ZNF345: variants seen among roughly 807,000 people sequenced by gnomAD.
The protein encoded by ZNF345 is zinc finger protein 345, also known as zinc finger protein HZF10.
For synonymous variants in ZNF345, 166 were observed against 187.9 expected (o/e 0.88, Z 0.95); for missense variants, 527 against 589.9 (o/e 0.89, Z 1.10).
At chr19:36,855,566 C>CTTCA (rs1191721766) in intron 2 of ZNF345, among the ~76,000 whole-genome samples, 2 of 149,256 alleles carry the variant, frequency 1.3e-5, no homozygotes, top group East Asian at 4.1e-4. Context: ...GATTCTCCTG[C>CTTCA]TTCAGCCTCC....
Position 36,868,002 on chromosome 19 carries a change from C to CTTTTT in ZNF345, c.-46-8769_-46-8765dup, listed in dbSNP as rs569167997. 8.2e-3 allele frequency among the ~76,000 whole-genome samples: 1,040 copies of CTTTTT among 127,012 alleles called. 25 individuals carry two copies. The highest frequency in any genetic ancestry group is 0.029 in the African/African-American group (988 of 34,304). 83.3% of individuals were successfully genotyped at this position (127,012 alleles called of 152,430 possible). A position where few individuals can be genotyped will look rare whatever the true frequency, so the allele number is the denominator to read the frequency against. On this transcript the variant is annotated intron_variant, in intron 2 of 2. Coordinates refer to ENST00000420450, the MANE Select transcript of ZNF345 (RefSeq NM_001242472.2). ...AGTTCCATATGGATATGAGGAGTGG[C>CTTTTT]TTTTTTTTTTTTTTTTTTGAGTCAG...
Position 36,878,200 on chromosome 19 carries a change from A to G in ZNF345, c.1370A>G (p.Lys457Arg). Reference protein sequence around the residue: ...IHTGEKLYECKNCGKAYGRDS... With the variant: ...IHTGEKLYECRNCGKAYGRDS... ...ACAGGTGAGAAACTTTATGAATGTA[A>G]GAACTGTGGGAAGGCTTATGGGAGG... is the stretch of plus-strand genomic sequence containing the variant. Residue 457 changes from lysine to arginine, a missense_variant, in exon 3 of 3, where the codon AAG (lysine) becomes AGG (arginine). Physicochemically the swap from Lys to Arg is conservative, Grantham distance 26 (BLOSUM62 2). Transcript: ENST00000420450. 1.2e-6 allele frequency: 2 copies of G among 1,614,176 alleles called. No homozygotes were observed. The highest frequency in any genetic ancestry group is 3.3e-5 in the Admixed American group (2 of 60,022).
At chr19:36,880,709 T>G (rs1230258489), downstream of ZNF345, among the ~76,000 whole-genome samples, 1 of 152,110 alleles carries the variant, frequency 6.6e-6, no homozygotes, top group Admixed American at 6.6e-5. Context: ...GCCCAGGAAT[T>G]CAAGGCCTCA....
At chr19:36,880,422 T>TA (rs1045242001), downstream of ZNF345, among the ~76,000 whole-genome samples, 23 of 138,964 alleles carry the variant, frequency 1.7e-4, no homozygotes, top group Admixed American at 4.9e-4. Flanking sequence ...AGGGTAGAAG[T>TA]AAAAAAACTA....
At chr19:36,881,714 A>G (rs2072969518), downstream of ZNF345, among the ~76,000 whole-genome samples, 1 of 152,194 alleles carries the variant, frequency 6.6e-6, no homozygotes, top group African/African-American at 2.4e-5. Flanking sequence ...CTAAAGTAAC[A>G]TGAAATCTTA....
Position 36,856,096 on chromosome 19 carries a change from G to C in ZNF345, c.-47+4192G>C, listed in dbSNP as rs1424289806. On this transcript the variant is annotated intron_variant, in intron 2 of 2. Transcript: ENST00000420450. ...GCACAACACTTAATACACATCAGGT[G>C]TTGAGAAAATGTTATTTCCCTTCTT... Among the ~76,000 whole-genome samples, 7 of 152,354 alleles carry C rather than the reference G, an allele frequency of 4.6e-5. No homozygotes were observed. In the South Asian group the frequency reaches 1.0e-3, roughly 23 times the overall value.
chr19:36,881,747 C>A (rs1286199162), downstream of ZNF345, among the ~76,000 whole-genome samples: 1 of 152,074 alleles, frequency 6.6e-6, no homozygotes, highest in Non-Finnish European at 1.5e-5. Context: ...TAAAATACAT[C>A]ACTTTAAATA....
intron 2 of ZNF345, among the ~76,000 whole-genome samples, chr19:36,854,235 GT>G (rs34215056): frequency 6.9e-4 from 96 of 138,672 alleles, no homozygotes; most frequent in Middle Eastern, 3.8e-3. Context: ...CCTGGGTTTT[GT>G]TTTTTTTTTT....
At chr19:36,874,492 TA>T (rs71171474) in intron 2 of ZNF345, among the ~76,000 whole-genome samples, 271 of 91,136 alleles carry the variant, frequency 3.0e-3, no homozygotes, top group Middle Eastern at 0.016. Flanking sequence ...GAAACTCCAC[TA>T]AAAAAAAAAA....
chr19:36,881,052 C>A (rs140060337), downstream of ZNF345, among the ~76,000 whole-genome samples: 1 of 152,216 alleles, frequency 6.6e-6, no homozygotes, highest in Non-Finnish European at 1.5e-5. Flanking sequence ...AGATCAATCA[C>A]AACCTAATGT....
intron 3 of ZNF345, among the ~76,000 whole-genome samples, chr19:36,884,986 A>G (rs2072988884): frequency 6.6e-6 from 1 of 152,026 alleles, no homozygotes; most frequent in Non-Finnish European, 1.5e-5. Flanking sequence ...ACTCTTTTCT[A>G]TTGGCAGTAT....
intron 2 of ZNF345, among the ~76,000 whole-genome samples, chr19:36,868,792 A>T (rs992027423): frequency 6.6e-6 from 1 of 150,880 alleles, no homozygotes; most frequent in Non-Finnish European, 1.5e-5. Flanking sequence ...CGCCCAGCTA[A>T]TTTTTTTACT....
intron 2 of ZNF345, among the ~76,000 whole-genome samples, chr19:36,868,652 A>C (rs946853428): frequency 7.7e-6 from 1 of 129,160 alleles, no homozygotes; most frequent in South Asian, 2.8e-4. Flanking sequence ...TTTGAGATGG[A>C]GTCTTGCTCT....
chr19:36,886,881 C>G (rs888714789), intron 3 of ZNF345, among the ~76,000 whole-genome samples: 2 of 151,154 alleles, frequency 1.3e-5, no homozygotes, highest in African/African-American at 2.4e-5. Flanking sequence ...GTAATCCCAG[C>G]TACTCGGGAG....
chr19:36,861,892 T>C (rs2146149520), intron 2 of ZNF345, among the ~76,000 whole-genome samples: 1 of 146,184 alleles, frequency 6.8e-6, no homozygotes, highest in East Asian at 2.1e-4. Context: ...GATGGTGTCT[T>C]GCCCTGTCAC....
rs2072901441 is a variant in ZNF345, at chr19:36,877,241, G to C, written c.411G>C (p.Gln137His). The change falls in exon 3 of 3, where the codon CAG becomes CAC. Residue 137 changes from glutamine (Q) to histidine (H), a missense_variant. Physicochemically the swap from Gln to His is conservative, Grantham distance 24. Transcript: ENST00000420450. ...GTGGCTCAAACCTTACTCACCATCA[G>C]AGAATTCATACTGGTGAGAAACCCT... ...FGSGSNLTHH[Q>H]RIHTGEKPYE... 6.2e-7 allele frequency: 1 copy of C among 1,614,006 alleles called. No homozygotes were observed. The highest frequency in any genetic ancestry group is 8.5e-7 in the Non-Finnish European group (1 of 1,179,934).
At chr19:36,874,539 C>T (rs2072843460) in intron 2 of ZNF345, among the ~76,000 whole-genome samples, 1 of 150,942 alleles carries the variant, frequency 6.6e-6, no homozygotes, top group Non-Finnish European at 1.5e-5. Context: ...TGACTCATGC[C>T]TGTAATCCTA....
Position 36,877,221 on chromosome 19 carries a change from T to G in ZNF345, c.391T>G (p.Ser131Ala), listed in dbSNP as rs1006539751. The G allele has an allele frequency of 1.2e-6, 2 of 1,613,818 alleles. No individual in the cohort carries two copies. The highest frequency in any genetic ancestry group is 1.7e-6 in the Non-Finnish European group (2 of 1,179,930). ...KECGKAFGSG[S>A]NLTHHQRIHT... ...ATGTGGGAAGGCCTTTGGTAGTGGC[T>G]CAAACCTTACTCACCATCAGAGAAT... Residue 131 changes from serine (S) to alanine (A), a missense_variant, in exon 3 of 3, where the codon TCA (serine) becomes GCA (alanine). Physicochemically the swap from Ser to Ala is moderately conservative, Grantham distance 99. Coordinates refer to ENST00000420450, the MANE Select transcript of ZNF345 (RefSeq NM_001242472.2).
chr19:36,862,889 C>T (rs1035441), intron 2 of ZNF345: 48,991 of 151,670 alleles, frequency 0.32, 8,994 homozygotes, highest in East Asian at 0.7. Context: ...GGTGAGTACT[C>T]ATTCGACCTG....
Sources: allele counts gnomAD v4.1 joint callset (sites outside exome capture counted in the v4.1 genomes callset), GRCh38; gene constraint gnomAD v4.1.1; transcripts MANE v1.5; gene names NCBI Gene and HGNC (gene_info 2026-07-23, HGNC 2026-07-21).